ALOX15B: variants seen among roughly 807,000 people sequenced by gnomAD.
ALOX15B encodes polyunsaturated fatty acid lipoxygenase ALOX15B.
Under a neutral mutation model 73.8 loss-of-function variants are expected in ALOX15B, and 74 were observed. The ratio of observed to expected loss-of-function variants is 1.00; its 90% CI spans 0.83 to 1.22. ALOX15B has a LOEUF of 1.22. ALOX15B is among the 50% of genes most tolerant of loss of function. ALOX15B has a pLI of 0.00. For missense variants in ALOX15B, 896 were observed against 859.9 expected, an observed-to-expected ratio of 1.04 and a Z score of -0.52; for synonymous variants, 353 against 357.2, an observed-to-expected ratio of 0.99 and a Z score of 0.13.
chr17:8,045,541 A>G lies in ALOX15B; in HGVS notation c.1055A>G (p.Asp352Gly), dbSNP rs771215273. The G allele has an allele frequency of 3.1e-6, 5 of 1,614,082 alleles. No individual in the cohort carries two copies. Among genetic ancestry groups the G allele is most frequent in the Non-Finnish European group, 4.2e-6 (5 of 1,179,994 alleles). ...PIFLPTDDKWDWLLAKTWVRN... is the reference protein window; with the variant it reads ...PIFLPTDDKWGWLLAKTWVRN... ...TTCCTGCCCACTGATGACAAGTGGG[A>G]CTGGTTGCTGGCCAAGACCTGGGTG... is the stretch of plus-strand genomic sequence containing the variant. Residue 352 changes from aspartate to glycine, a missense_variant, in exon 8 of 14, where the codon GAC becomes GGC. Transcript: ENST00000380183.
intron 5 of ALOX15B, among the ~76,000 whole-genome samples, chr17:8,043,500 G>A (rs1478909430): frequency 2.6e-5 from 4 of 152,248 alleles, no homozygotes; most frequent in East Asian, 1.9e-4. Flanking sequence ...GAAGGTGCAC[G>A]GGGGTCGCAC....
chr17:8,041,001 AG>A (rs1238367958), intron 3 of ALOX15B, among the ~76,000 whole-genome samples: 1 of 152,164 alleles, frequency 6.6e-6, no homozygotes, highest in Non-Finnish European at 1.5e-5. Context: ...TGCTATCTAA[AG>A]CCTGGGCTGC....
In ALOX15B at chr17:8,039,246, G is replaced by A. The variant is rs1452401082; in HGVS notation, c.91G>A (p.Gly31Arg). Residue 31 changes from glycine (G) to arginine (R), a missense_variant, in exon 1 of 14, where the codon GGA (glycine) becomes AGA (arginine). Gly to Arg is a moderately radical substitution (Grantham distance 125, BLOSUM62 -2). Coordinates refer to ENST00000380183, the MANE Select transcript of ALOX15B (RefSeq NM_001141.3). ...KVSVSIVGTR[G>R]ESPPLPLDNL... The stretch of plus-strand genomic sequence containing the variant: ...GTCTGTCAGCATCGTGGGGACCCGG[G>A]GAGAGAGCCCCCCACTGCCCCTGGA... The A allele has an allele frequency of 6.2e-7, 1 of 1,604,242 alleles. No homozygotes were observed. Among genetic ancestry groups the A allele is most frequent in the Non-Finnish European group, 8.5e-7 (1 of 1,175,144 alleles).
At position 8,039,101 on chromosome 17, in the gene ALOX15B, G is replaced by A; in HGVS notation, c.-55G>A. On this transcript the variant is annotated 5_prime_UTR_variant, in exon 1 of 14. Coordinates refer to ENST00000380183, the MANE Select transcript of ALOX15B (RefSeq NM_001141.3). The stretch of plus-strand genomic sequence containing the variant: ...GCAATAACCAGGCGTGTCCCAGGGG[G>A]GAGCCCCGCTCTGCAGCCCTGTGCG... 6 of 1,577,292 alleles carry A rather than the reference G, an allele frequency of 3.8e-6. No individual in the cohort carries two copies. The highest frequency in any genetic ancestry group is 1.7e-4 in the Middle Eastern group (1 of 5,830).
intron 3 of ALOX15B, among the ~76,000 whole-genome samples, chr17:8,041,863 G>A (rs778651940): frequency 3.9e-5 from 6 of 152,182 alleles, no homozygotes; most frequent in Admixed American, 6.5e-5. Flanking sequence ...GGATAGTCTC[G>A]CCTCTACAAG....
At chr17:8,040,647 G>GAAAGAA (rs1976435388) in intron 3 of ALOX15B, among the ~76,000 whole-genome samples, 1 of 122,270 alleles carries the variant, frequency 8.2e-6, no homozygotes, top group African/African-American at 2.7e-5. Context: ...AAGAAAGAAA[G>GAAAGAA]AAAGAAAAGA....
chr17:8,046,088 C>T (rs1976601434), intron 8 of ALOX15B, among the ~76,000 whole-genome samples: 1 of 152,182 alleles, frequency 6.6e-6, no homozygotes, highest in Non-Finnish European at 1.5e-5. Flanking sequence ...TTTCCTAGAC[C>T]CTGCTAGCTT....
intron 3 of ALOX15B, among the ~76,000 whole-genome samples, chr17:8,040,640 A>AAAGG (rs1555638492): frequency 4.6e-5 from 6 of 130,154 alleles, no homozygotes; most frequent in African/African-American, 1.6e-4. Context: ...AGAAAGAAAG[A>AAAGG]AAGAAAGAAA....
Position 8,048,432 on chromosome 17 carries a change from C to T in ALOX15B, c.1898C>T (p.Pro633Leu), listed in dbSNP as rs199569625. ...GATGAGCACTTCACAGAGGAGGCCC[C>T]TCGGCGGAGCATCGCCACCTTCCAG... ...YPDEHFTEEA[P>L]RRSIATFQSR... The change falls in exon 14 of 14, where the codon CCT (proline) becomes CTT (leucine). Residue 633 changes from proline (P) to leucine (L), a missense_variant. Physicochemically the swap from Pro to Leu is moderately conservative, Grantham distance 98. Coordinates refer to ENST00000380183, the MANE Select transcript of ALOX15B (RefSeq NM_001141.3). 2 of 1,614,120 alleles carry T rather than the reference C, an allele frequency of 1.2e-6. No homozygotes were observed. Among genetic ancestry groups the T allele is most frequent in the East Asian group, 2.2e-5 (1 of 44,870 alleles).
intron 5 of ALOX15B, 52 bp from the exon 6 acceptor site, chr17:8,044,773 CCCCT>C: frequency 7.9e-7 from 1 of 1,260,836 alleles, no homozygotes; most frequent in Non-Finnish European, 1.1e-6. Context: ...TGTCCCCCAC[CCCCT>C]GCAAAGCACG....
intron 5 of ALOX15B, among the ~76,000 whole-genome samples, chr17:8,043,716 A>C (rs1176443321): frequency 6.6e-6 from 1 of 152,070 alleles, no homozygotes; most frequent in African/African-American, 2.4e-5. Flanking sequence ...GTGGACCGAG[A>C]GGTACTCAGG....
At chr17:8,043,718 G>A (rs2151813161) in intron 5 of ALOX15B, among the ~76,000 whole-genome samples, 1 of 152,248 alleles carries the variant, frequency 6.6e-6, no homozygotes, top group Admixed American at 6.5e-5. Flanking sequence ...GGACCGAGAG[G>A]TACTCAGGAT....
chr17:8,044,838 T>C lies in ALOX15B; in HGVS notation c.686T>C (p.Phe229Ser), dbSNP rs1976560357. The change falls in exon 6 of 14, where the codon TTT becomes TCT. Residue 229 changes from phenylalanine to serine, a missense_variant. By Grantham distance (155) the Phe-to-Ser change is radical. Transcript: ENST00000380183. Reference sequence around the variant, plus strand: ...CCCCCACCCCCTGCAGAGCACGCATTTGAGCACTGGCAGGAGGACGCCTTC... The same window carrying C: ...CCCCCACCCCCTGCAGAGCACGCATCTGAGCACTGGCAGGAGGACGCCTTC... ...FRRTPAAEHA[F>S]EHWQEDAFFA... 1 of 1,590,088 alleles carries C rather than the reference T, an allele frequency of 6.3e-7. No individual in the cohort carries two copies.
chr17:8,045,300 T>A lies in ALOX15B; in HGVS notation c.912T>A (p.Asn304Lys). The change falls in exon 7 of 14, where the codon AAT becomes AAA. Residue 304 changes from asparagine (N) to lysine (K), a missense_variant. Coordinates refer to ENST00000380183, the MANE Select transcript of ALOX15B (RefSeq NM_001141.3). ...ILSGIQTNVI[N>K]GKPQFSAAPM... ...CTGGCATCCAGACCAATGTCATTAA[T>A]GGGAAGCCTCAGTTCTCTGCGGCCC... 1 of 1,614,178 alleles carries A rather than the reference T, an allele frequency of 6.2e-7. No homozygotes were observed. The highest frequency in any genetic ancestry group is 8.5e-7 in the Non-Finnish European group (1 of 1,180,032).
rs1567972913 is a variant in ALOX15B at position 8,046,974 on chromosome 17, C to G, written c.1355C>G (p.Ser452Cys). ...AGGAACATGAAGCAGCTGAACTATT[C>G]TCTCCTGTGTCTGCCTGAGGATATC... ...IQRNMKQLNY[S>C]LLCLPEDIRT... Residue 452 changes from serine to cysteine, a missense_variant, in exon 10 of 14, where the codon TCT becomes TGT. Transcript: ENST00000380183. 5.6e-6 allele frequency: 9 copies of G among 1,614,064 alleles called. No individual in the cohort carries two copies. In the Admixed American group the frequency reaches 1.5e-4, roughly 27 times the overall value.
In ALOX15B at chr17:8,042,773, C is replaced by A. The variant is rs1254013405; in HGVS notation, c.573-8C>A. 1.3e-6 allele frequency: 2 copies of A among 1,553,828 alleles called. No homozygotes were observed. The highest frequency in any genetic ancestry group is 1.4e-5 in the African/African-American group (1 of 73,548). ...TCCCCACTCCCCACCCCTCACATCC[C>A]CTGGCAGTTTTGCAGAGATGAAAAT... On this transcript the variant is annotated splice_polypyrimidine_tract_variant and splice_region_variant and intron_variant, in intron 4 of 13. Coordinates refer to ENST00000380183, the MANE Select transcript of ALOX15B (RefSeq NM_001141.3).
At chr17:8,044,371 G>A (rs1976546062) in intron 5 of ALOX15B, among the ~76,000 whole-genome samples, 1 of 149,180 alleles carries the variant, frequency 6.7e-6, no homozygotes, top group Non-Finnish European at 1.5e-5. Flanking sequence ...GCAGTGAGCC[G>A]AGGTCACGCC....
At chr17:8,045,084 A>T (rs1309960738) in intron 6 of ALOX15B, 83 bp downstream of exon 6, 1 of 1,590,136 alleles carries the variant, frequency 6.3e-7, no homozygotes, top group Non-Finnish European at 8.6e-7. Flanking sequence ...AGAGGGGCAC[A>T]CTCACATTTG....
Position 8,042,830 on chromosome 17 carries a change from A to G in ALOX15B, c.622A>G (p.Arg208Gly), listed in dbSNP as rs905548726. The change falls in exon 5 of 14, where the codon AGG (arginine) becomes GGG (glycine). Residue 208 changes from arginine (R) to glycine (G), a missense_variant. Coordinates refer to ENST00000380183, the MANE Select transcript of ALOX15B (RefSeq NM_001141.3). ...GTTGCTGGACCGCAAGGGGCTCTGG[A>G]GGAGTCTGAATGAGATGAAAAGGAT... ...KGLLDRKGLW[R>G]SLNEMKRIFN... 3.2e-6 allele frequency: 5 copies of G among 1,558,902 alleles called. No homozygotes were observed. The highest frequency in any genetic ancestry group is 4.3e-6 in the Non-Finnish European group (5 of 1,151,190).
Sources: allele counts gnomAD v4.1 joint callset (sites outside exome capture counted in the v4.1 genomes callset), GRCh38; gene constraint gnomAD v4.1.1; transcripts MANE v1.5; gene names NCBI Gene and HGNC (gene_info 2026-07-23, HGNC 2026-07-21).